Variants in LAMA2 observed in about 807,000 individuals in gnomAD.
The protein encoded by LAMA2 is laminin subunit alpha 2.
Under a neutral mutation model 364.8 loss-of-function variants are expected in LAMA2, and 269 were observed. The ratio of observed to expected loss-of-function variants is 0.74; its 90% CI spans 0.67 to 0.82. The LOEUF is 0.82. Ranked by LOEUF, LAMA2 falls within the 40% of genes least tolerant of loss-of-function variation. The probability of loss-of-function intolerance (pLI) is 0.00; values close to 1 mark genes in which losing one functional copy is unlikely to be tolerated. For synonymous variants in LAMA2, 1,379 were observed against 1,370.6 expected (o/e 1.01, Z -0.14); for missense variants, 3,807 against 3,873.2 (o/e 0.98, Z 0.45).
At chr6:128,965,550 C>T (rs571513241) in intron 1 of LAMA2, among the ~76,000 whole-genome samples, 22 of 152,002 alleles carry the variant, frequency 1.4e-4, no homozygotes, top group African/African-American at 5.1e-4. Flanking sequence ...TTGTTTCTTG[C>T]TTATTTGAAT....
intron 60 of LAMA2, among the ~76,000 whole-genome samples, chr6:129,503,947 T>C (rs1785853585): frequency 6.6e-6 from 1 of 152,234 alleles, no homozygotes; most frequent in Non-Finnish European, 1.5e-5. Flanking sequence ...CTGTCCTCTT[T>C]GGCATGACTG....
chr6:128,938,614 T>A (rs543147683), intron 1 of LAMA2, among the ~76,000 whole-genome samples: 3 of 152,126 alleles, frequency 2.0e-5, no homozygotes, highest in Admixed American at 2.0e-4. Context: ...GAGGGAAGGG[T>A]CAAAGCATTT....
intron 1 of LAMA2, among the ~76,000 whole-genome samples, chr6:128,898,826 C>T (rs1366438593): frequency 6.6e-6 from 1 of 152,170 alleles, no homozygotes. Flanking sequence ...AAATTATTCT[C>T]TTTTTCTGTT....
intron 4 of LAMA2, among the ~76,000 whole-genome samples, chr6:129,111,347 C>G (rs1776148365): frequency 6.6e-6 from 1 of 151,938 alleles, no homozygotes; most frequent in Non-Finnish European, 1.5e-5. Context: ...AACAAAAATC[C>G]TATGATACTT....
At position 129,329,226 on chromosome 6, in the gene LAMA2, A is replaced by G. The variant is rs1323228975; in HGVS notation, c.4311+814A>G. On this transcript the variant is annotated intron_variant, in intron 29 of 64. Coordinates refer to ENST00000421865, the MANE Select transcript of LAMA2 (RefSeq NM_000426.4). The stretch of plus-strand genomic sequence containing the variant: ...CATTCTACTGAGCCTTGTGGAACTC[A>G]TGGTCAAAACAGGCAAAATACCCCG... 2.0e-5 allele frequency among the ~76,000 whole-genome samples: 3 copies of G among 152,254 alleles called. No homozygotes were observed. In the East Asian group the frequency reaches 5.8e-4, roughly 29 times the overall value.
chr6:129,142,140 T>C (rs1268120991), intron 4 of LAMA2, among the ~76,000 whole-genome samples: 2 of 152,064 alleles, frequency 1.3e-5, no homozygotes, highest in Non-Finnish European at 2.9e-5. Context: ...TTATTTCCAG[T>C]CCTTTGATGT....
chr6:129,174,240 T>A (rs977284694), intron 9 of LAMA2, among the ~76,000 whole-genome samples: 2 of 152,146 alleles, frequency 1.3e-5, no homozygotes, highest in Non-Finnish European at 2.9e-5. Flanking sequence ...AATACTTAAT[T>A]TTTTATTCCA....
In LAMA2 at chr6:129,427,821, A is replaced by T. The variant is rs1781397416; in HGVS notation, c.5935A>T (p.Asn1979Tyr). The change falls in exon 41 of 65, where the codon AAC becomes TAC. Residue 1979 changes from asparagine (N) to tyrosine (Y), a missense_variant. Physicochemically the swap from Asn to Tyr is moderately radical, Grantham distance 143. Transcript: ENST00000421865. ...TCTTCAGAAAAGCTTCAGGATTCTT[A>T]ACGAAGCCAAGAAGTTAGCAAATGA... is the stretch of plus-strand genomic sequence containing the variant. ...GCLQKSFRIL[N>Y]EAKKLANDVK... is the part of the protein sequence containing the mutation. The T allele has an allele frequency of 6.2e-7, 1 of 1,613,628 alleles. No individual in the cohort carries two copies.
chr6:129,148,828 C>T (rs1778632550), intron 6 of LAMA2, 151 bp from the exon 7 acceptor site: 1 of 747,270 alleles, frequency 1.3e-6, no homozygotes. Context: ...CACTTCAAGC[C>T]TGGCACCACT....
At chr6:128,974,974 C>T (rs570028180) in intron 1 of LAMA2, among the ~76,000 whole-genome samples, 3 of 151,770 alleles carry the variant, frequency 2.0e-5, no homozygotes, top group Admixed American at 6.6e-5. Context: ...GCCTCGGCCT[C>T]CGGAGTAGCT....
chr6:129,461,513 G>A (rs1456718613), intron 49 of LAMA2, among the ~76,000 whole-genome samples: 1 of 151,968 alleles, frequency 6.6e-6, no homozygotes, highest in Admixed American at 6.6e-5. Context: ...TTCAATACAT[G>A]AAAGACAGTG....
chr6:129,436,510 T>A lies in LAMA2; in HGVS notation c.5969-2136T>A, dbSNP rs903120104. Among the ~76,000 whole-genome samples, 3 of 152,288 alleles carry A rather than the reference T, an allele frequency of 2.0e-5. No homozygotes were observed. In the East Asian group the frequency reaches 5.8e-4, roughly 29 times the overall value. ...TATTTTTATTCCCCCCTCCTTTTTT[T>A]TATTACAAATGAAGAGCTAATGAGT... is the stretch of plus-strand genomic sequence containing the variant. On this transcript the variant is annotated intron_variant, in intron 41 of 64. Transcript: ENST00000421865.
chr6:129,048,497 C>CTTTCTTTCTTTCTTTCT, intron 1 of LAMA2, among the ~76,000 whole-genome samples: 1 of 47,470 alleles, frequency 2.1e-5, no homozygotes, highest in Non-Finnish European at 4.4e-5. Context: ...TCTTTCTTTC[C>CTTTCTTTCTTTCTTTCT]TTCCTTCCTT....
chr6:129,267,352 G>A, intron 16 of LAMA2, 133 bp downstream of exon 16: 1 of 736,804 alleles, frequency 1.4e-6, no homozygotes. Flanking sequence ...TCTTTGTATT[G>A]AACTGAATTG....
At chr6:129,171,350 G>C (rs1325432563) in intron 9 of LAMA2, among the ~76,000 whole-genome samples, 1 of 152,180 alleles carries the variant, frequency 6.6e-6, no homozygotes. Context: ...TCCTTCAGGA[G>C]CTCTTTTAGG....
chr6:128,963,686 G>C (rs1410308420), intron 1 of LAMA2, among the ~76,000 whole-genome samples: 10 of 152,068 alleles, frequency 6.6e-5, no homozygotes, highest in African/African-American at 2.4e-4. Flanking sequence ...AAGCTAACCA[G>C]ACTCATCATT....
At chr6:129,509,882 C>A (rs1307707936) in intron 62 of LAMA2, among the ~76,000 whole-genome samples, 1 of 151,996 alleles carries the variant, frequency 6.6e-6, no homozygotes, top group Non-Finnish European at 1.5e-5. Context: ...TGTGAAGAAT[C>A]TCATTGGTAT....
intron 12 of LAMA2, among the ~76,000 whole-genome samples, chr6:129,223,217 A>T (rs1467765802): frequency 6.6e-6 from 1 of 151,924 alleles, no homozygotes; most frequent in Non-Finnish European, 1.5e-5. Context: ...AGTTTGTTTG[A>T]GTTCTTTGTA....
At chr6:128,928,366 T>C (rs1265298493) in intron 1 of LAMA2, among the ~76,000 whole-genome samples, 1 of 152,206 alleles carries the variant, frequency 6.6e-6, no homozygotes, top group East Asian at 1.9e-4. Flanking sequence ...ATAATATATA[T>C]ATAATGAGTA....
Sources: allele counts gnomAD v4.1 joint callset (sites outside exome capture counted in the v4.1 genomes callset), GRCh38; gene constraint gnomAD v4.1.1; transcripts MANE v1.5; gene names NCBI Gene and HGNC (gene_info 2026-07-23, HGNC 2026-07-21).